CNTNAP5: variants seen among roughly 807,000 people sequenced by gnomAD.
CNTNAP5 encodes contactin-associated protein-like 5.
In CNTNAP5, 72 loss-of-function variants were observed where a neutral mutation model predicts 150.2. The observed-to-expected ratio is 0.48, with a 90% CI of 0.40 to 0.58. The LOEUF (loss-of-function observed/expected upper bound fraction) is 0.58, where lower values mean the gene tolerates loss of function less well. CNTNAP5 is among the 20% of genes least tolerant of loss of function. CNTNAP5 has a pLI of 0.00. For missense variants in CNTNAP5, 1,636 were observed against 1,626.2 expected (o/e 1.01, Z -0.10); for synonymous variants, 672 against 619.8 (o/e 1.08, Z -1.25).
intron 12 of CNTNAP5, among the ~76,000 whole-genome samples, chr2:124,626,823 G>T (rs1677733396): frequency 6.6e-6 from 1 of 152,126 alleles, no homozygotes; most frequent in African/African-American, 2.4e-5. Flanking sequence ...AATCCCCGCT[G>T]CCAGCACAGC....
intron 3 of CNTNAP5, among the ~76,000 whole-genome samples, chr2:124,249,435 GAACTTCCTCTGCAC>G (rs1261931176): frequency 5.3e-5 from 8 of 152,258 alleles, no homozygotes; most frequent in African/African-American, 1.7e-4. Flanking sequence ...TGCTATCTGA[GAACTTCCTCTGCAC>G]AACTTGGTCT....
At chr2:124,274,943 G>A (rs1426390002) in intron 3 of CNTNAP5, among the ~76,000 whole-genome samples, 1 of 152,112 alleles carries the variant, frequency 6.6e-6, no homozygotes, top group African/African-American at 2.4e-5. Flanking sequence ...CAGAGACTGG[G>A]AAGAAAAAGA....
At chr2:124,856,571 G>T (rs1192101988) in intron 19 of CNTNAP5, among the ~76,000 whole-genome samples, 2 of 152,062 alleles carry the variant, frequency 1.3e-5, no homozygotes, top group African/African-American at 2.4e-5. Context: ...GTTTTAACTT[G>T]CATTTCCCTG....
At chr2:124,704,817 A>C (rs1679599910) in intron 13 of CNTNAP5, among the ~76,000 whole-genome samples, 1 of 151,774 alleles carries the variant, frequency 6.6e-6, no homozygotes, top group Admixed American at 6.6e-5. Context: ...TGTGCTTTCT[A>C]TTCCCCATCT....
intron 11 of CNTNAP5, among the ~76,000 whole-genome samples, chr2:124,585,731 T>C (rs1449923275): frequency 7.0e-6 from 1 of 143,694 alleles, no homozygotes; most frequent in Non-Finnish European, 1.5e-5. Flanking sequence ...GGGGTATTGG[T>C]TTCTGAGCCC....
At chr2:124,653,480 C>T (rs1357210658) in intron 13 of CNTNAP5, among the ~76,000 whole-genome samples, 1 of 151,310 alleles carries the variant, frequency 6.6e-6, no homozygotes, top group Admixed American at 6.6e-5. Context: ...ATAGTATATG[C>T]TATGTCATAT....
intron 8 of CNTNAP5, among the ~76,000 whole-genome samples, chr2:124,520,466 G>C (rs1385287876): frequency 6.6e-6 from 1 of 152,118 alleles, no homozygotes; most frequent in African/African-American, 2.4e-5. Context: ...TGCAAATTTA[G>C]GCTGCCACGA....
chr2:124,171,740 A>G (rs74884466), intron 1 of CNTNAP5, among the ~76,000 whole-genome samples: 8,411 of 152,240 alleles, frequency 0.055, 439 homozygotes, highest in East Asian at 0.24. Flanking sequence ...CAGAGTAAAT[A>G]CAGACACACA....
At chr2:124,027,042 T>C (rs2104616252) in intron 1 of CNTNAP5, among the ~76,000 whole-genome samples, 1 of 152,216 alleles carries the variant, frequency 6.6e-6, no homozygotes, top group East Asian at 1.9e-4. Flanking sequence ...ATACCGATTG[T>C]ATTAAAGTTT....
chr2:124,256,496 A>G (rs891352424), intron 3 of CNTNAP5, among the ~76,000 whole-genome samples: 1 of 152,244 alleles, frequency 6.6e-6, no homozygotes, highest in East Asian at 1.9e-4. Flanking sequence ...CTTTAGGAAC[A>G]TACATGAAAT....
chr2:124,231,004 T>C (rs752534955), intron 2 of CNTNAP5, among the ~76,000 whole-genome samples: 1 of 152,030 alleles, frequency 6.6e-6, no homozygotes, highest in Non-Finnish European at 1.5e-5. Flanking sequence ...TTCATCACAC[T>C]CTCCCTTCCC....
chr2:124,146,224 C>A (rs76123438), intron 1 of CNTNAP5, among the ~76,000 whole-genome samples: 1 of 152,106 alleles, frequency 6.6e-6, no homozygotes. Context: ...CAGACCCGAG[C>A]TGTTAAATGC....
rs145174325 is a variant in CNTNAP5 at position 124,403,119 on chromosome 2, T to C, written c.382-14324T>C. 8.0e-4 allele frequency among the ~76,000 whole-genome samples: 122 copies of C among 152,382 alleles called. 2 individuals carry two copies. Among genetic ancestry groups the C allele is most frequent in the African/African-American group, 2.8e-3 (116 of 41,598 alleles). On this transcript the variant is annotated intron_variant, in intron 3 of 23. Coordinates refer to ENST00000682447, the MANE Select transcript of CNTNAP5 (RefSeq NM_001367498.1). ...GCTGCTAGTTCCTCCTTAACTTTAG[T>C]TTGTACTCTTCTGGGGGGACATCCC...
intron 12 of CNTNAP5, among the ~76,000 whole-genome samples, chr2:124,626,660 G>A (rs1677729005): frequency 6.6e-6 from 1 of 152,174 alleles, no homozygotes; most frequent in African/African-American, 2.4e-5. Context: ...TGAGCTGCAA[G>A]AGTTTTTACA....
At chr2:124,442,423 G>A (rs1004698707) in intron 5 of CNTNAP5, among the ~76,000 whole-genome samples, 1 of 152,156 alleles carries the variant, frequency 6.6e-6, no homozygotes, top group African/African-American at 2.4e-5. Context: ...GCGTTCTCCT[G>A]CCATTTTAAA....
intron 3 of CNTNAP5, among the ~76,000 whole-genome samples, chr2:124,324,117 AG>A (rs1689162593): frequency 6.6e-6 from 1 of 152,248 alleles, no homozygotes; most frequent in African/African-American, 2.4e-5. Context: ...TATGATGGAC[AG>A]TGAGGATGTA....
At chr2:124,706,893 GGAA>G (rs1158190929) in intron 13 of CNTNAP5, among the ~76,000 whole-genome samples, 4 of 64,542 alleles carry the variant, frequency 6.2e-5, no homozygotes, top group Admixed American at 1.8e-4. Context: ...AAGAGGAAGA[GGAA>G]GAAGAAGGAG....
chr2:124,127,604 A>G (rs1015677221), intron 1 of CNTNAP5, among the ~76,000 whole-genome samples: 14 of 152,112 alleles, frequency 9.2e-5, no homozygotes, highest in Non-Finnish European at 2.1e-4. Context: ...ATTGCCAAGA[A>G]AATCCTAAGC....
intron 11 of CNTNAP5, among the ~76,000 whole-genome samples, chr2:124,596,124 G>T (rs1231359727): frequency 7.6e-6 from 1 of 132,178 alleles, no homozygotes; most frequent in African/African-American, 2.9e-5. Context: ...AGAGTTTTTT[G>T]TGTCTCTATT....
Sources: allele counts gnomAD v4.1 joint callset (sites outside exome capture counted in the v4.1 genomes callset), GRCh38; gene constraint gnomAD v4.1.1; transcripts MANE v1.5; gene names NCBI Gene and HGNC (gene_info 2026-07-23, HGNC 2026-07-21).